Variants in RFX8 observed in about 807,000 individuals in gnomAD.
RFX8 encodes the protein regulatory factor X8, also known as DNA-binding protein RFX8.
RFX8 carries 46 observed loss-of-function variants against 54.6 expected under a neutral mutation model. The ratio of observed to expected loss-of-function variants is 0.84; its 90% confidence interval spans 0.67 to 1.08. The LOEUF is 1.08. Among genes scored for constraint, RFX8 ranks in the 50% least tolerant of loss-of-function variants. The probability of loss-of-function intolerance (pLI) is 0.00; values close to 1 mark genes in which losing one functional copy is unlikely to be tolerated. For synonymous variants in RFX8, 192 were observed against 209.5 expected (o/e 0.92, Z 0.72); for missense variants, 536 against 562.3 (o/e 0.95, Z 0.47).
intron 2 of RFX8, among the ~76,000 whole-genome samples, chr2:101,446,279 G>A (rs1007321937): frequency 1.8e-4 from 28 of 152,254 alleles, no homozygotes; most frequent in African/African-American, 6.3e-4. Flanking sequence ...AGGTTCAAGC[G>A]ATTCTGCTGC....
chr2:101,407,707 C>A (rs538085651), intron 9 of RFX8, among the ~76,000 whole-genome samples: 2,177 of 151,516 alleles, frequency 0.014, 43 homozygotes, highest in African/African-American at 0.047. Flanking sequence ...AAAAAAAAAA[C>A]AAAACACAGG....
At position 101,412,974 on chromosome 2, in the gene RFX8, T is replaced by A; in HGVS notation, c.659A>T (p.Lys220Ile). The change falls in exon 8 of 12, where the codon AAA becomes ATA. Residue 220 changes from lysine to isoleucine, a missense_variant. Transcript: ENST00000428343. The stretch of plus-strand genomic sequence containing the variant: ...GCCACTCCGGTCACTTGCCAGGGCT[T>A]TCTTAGAAGTAGCCAAAGTGCCTTG... ...INQGTLATSK[K>I]ALASDRSGAD... 7 of 1,551,922 alleles carry A rather than the reference T, an allele frequency of 4.5e-6. No homozygotes were observed. The highest frequency in any genetic ancestry group is 5.2e-6 in the Non-Finnish European group (6 of 1,147,022).
rs997874238 is a variant in RFX8 at position 101,410,795 on chromosome 2, C to T, written c.719-82G>A. 10 of 711,324 alleles carry T rather than the reference C, an allele frequency of 1.4e-5. No individual in the cohort carries two copies. The African/African-American group carries it at 1.8e-4, about 13-fold the overall frequency. The allele number at this position is 711,324 out of a possible 1,614,324, so 44.1% of individuals were successfully genotyped here. A position where few individuals can be genotyped will look rare whatever the true frequency, so the allele number is the denominator to read the frequency against. ...CTTAGGTATTTGTGTACTGGGTAACCTGGAAACATCACTGAACAATAGCTC... is the reference window on the plus strand; with the variant it reads ...CTTAGGTATTTGTGTACTGGGTAACTTGGAAACATCACTGAACAATAGCTC... On this transcript the variant is annotated intron_variant, in intron 8 of 11. Transcript: ENST00000428343.
At chr2:101,463,419 G>C (rs1371504106) in intron 2 of RFX8, among the ~76,000 whole-genome samples, 1 of 152,180 alleles carries the variant, frequency 6.6e-6, no homozygotes, top group Non-Finnish European at 1.5e-5. Context: ...TCTGGCAGGA[G>C]AGTGGAAGAG....
intron 2 of RFX8, among the ~76,000 whole-genome samples, chr2:101,425,824 TGCAGGAGATTCGCTACAGCAGAAG>T (rs2104595879): frequency 6.6e-6 from 1 of 152,322 alleles, no homozygotes; most frequent in African/African-American, 2.4e-5. Context: ...GTGTGGACCC[TGCAGGAGATTCGCTACAGCAGAAG>T]GCATTCAGGA....
chr2:101,437,501 C>T (rs943475632), intron 2 of RFX8, among the ~76,000 whole-genome samples: 1 of 151,902 alleles, frequency 6.6e-6, no homozygotes, highest in African/African-American at 2.4e-5. Context: ...TCATTTGAGC[C>T]TAGGCGGTCA....
At chr2:101,448,412 A>T (rs1055286310) in intron 2 of RFX8, among the ~76,000 whole-genome samples, 1 of 151,962 alleles carries the variant, frequency 6.6e-6, no homozygotes, top group African/African-American at 2.4e-5. Flanking sequence ...TTGCTCCCCT[A>T]AGCCTGGATG....
At chr2:101,464,826 G>C (rs1021035005) in intron 2 of RFX8, among the ~76,000 whole-genome samples, 3 of 151,664 alleles carry the variant, frequency 2.0e-5, no homozygotes, top group African/African-American at 7.3e-5. Context: ...CTTATAAAAA[G>C]ATCTTTAAAA....
chr2:101,444,384 G>A (rs552614828), intron 2 of RFX8, among the ~76,000 whole-genome samples: 157 of 152,210 alleles, frequency 1.0e-3, no homozygotes, highest in Non-Finnish European at 1.9e-3. Context: ...ACCTAAACAG[G>A]GCAACTGCCT....
At chr2:101,398,882 A>G (rs1685270539) in intron 11 of RFX8, among the ~76,000 whole-genome samples, 1 of 152,208 alleles carries the variant, frequency 6.6e-6, no homozygotes, top group Admixed American at 6.5e-5. Context: ...CTCTTTCTCT[A>G]AATTCGACAA....
chr2:101,453,396 G>C (rs1437558801), intron 2 of RFX8, among the ~76,000 whole-genome samples: 2 of 152,054 alleles, frequency 1.3e-5, no homozygotes, highest in Non-Finnish European at 2.9e-5. Flanking sequence ...CCAGCACTTT[G>C]GGAGGCCACG....
intron 7 of RFX8, among the ~76,000 whole-genome samples, chr2:101,413,512 T>C (rs1430228248): frequency 6.6e-6 from 1 of 152,100 alleles, no homozygotes; most frequent in African/African-American, 2.4e-5. Flanking sequence ...TGGGAGGTGA[T>C]ATCCTCAGCT....
At chr2:101,429,148 T>C (rs1367358360) in intron 2 of RFX8, 2 of 602,744 alleles carry the variant, frequency 3.3e-6, no homozygotes, top group East Asian at 2.8e-5. Flanking sequence ...CCCTCTGCCA[T>C]GTTTCTATCC....
chr2:101,408,226 C>T (rs1321104860), intron 9 of RFX8, among the ~76,000 whole-genome samples: 1 of 152,004 alleles, frequency 6.6e-6, no homozygotes, highest in African/African-American at 2.4e-5. Flanking sequence ...TGGCTCACGC[C>T]TGTAATCCCA....
chr2:101,462,107 TACAA>T (rs1689315101), intron 2 of RFX8, among the ~76,000 whole-genome samples: 1 of 152,128 alleles, frequency 6.6e-6, no homozygotes, highest in South Asian at 2.1e-4. Context: ...GAAGGAAAAT[TACAA>T]ACAACCTATA....
chr2:101,432,560 C>A (rs965101554), intron 2 of RFX8, among the ~76,000 whole-genome samples: 3 of 152,210 alleles, frequency 2.0e-5, no homozygotes, highest in Admixed American at 6.5e-5. Flanking sequence ...CCGGAGCAGG[C>A]CTGGAGGTGG....
chr2:101,412,880 C>T, intron 8 of RFX8, 35 bp downstream of exon 8: 2 of 1,537,404 alleles, frequency 1.3e-6, no homozygotes, highest in Non-Finnish European at 1.8e-6. Flanking sequence ...CTATGCCCAA[C>T]ACGCCAATAA....
intron 1 of RFX8, among the ~76,000 whole-genome samples, chr2:101,473,768 T>C (rs1443749763): frequency 6.6e-6 from 1 of 152,216 alleles, no homozygotes; most frequent in Non-Finnish European, 1.5e-5. Flanking sequence ...AATTTCACAA[T>C]GCGGAATGCA....
intron 1 of RFX8, among the ~76,000 whole-genome samples, chr2:101,467,742 C>T (rs1689656590): frequency 6.6e-6 from 1 of 152,052 alleles, no homozygotes; most frequent in Admixed American, 6.5e-5. Flanking sequence ...TGGGGACAGC[C>T]AGGCGCCTAT....
Sources: gnomAD v4.1 joint callset for allele counts (sites outside exome capture counted in the v4.1 genomes callset) on GRCh38, gnomAD v4.1.1 for gene constraint, MANE v1.5 for transcripts, NCBI Gene and HGNC (gene_info 2026-07-23, HGNC 2026-07-21) for gene names.